RAP1GDS1: variants seen among roughly 807,000 people sequenced by gnomAD.
RAP1GDS1 encodes the protein RAP1, GTP-GDP dissociation stimulator 1.
In RAP1GDS1, 35 loss-of-function variants were observed where a neutral mutation model predicts 71.1. That is an observed-to-expected ratio of 0.49 (90% confidence interval 0.38 to 0.65). RAP1GDS1 has a LOEUF of 0.65. Ranked by LOEUF, RAP1GDS1 falls within the 30% of genes least tolerant of loss-of-function variation. The pLI, the probability that RAP1GDS1 is intolerant of heterozygous loss-of-function variation, is 0.00. For synonymous variants in RAP1GDS1, 229 were observed against 243.1 expected (o/e 0.94, Z 0.54); for missense variants, 663 against 706.1 (o/e 0.94, Z 0.69).
chr4:98,441,794 A>G, intron 14 of RAP1GDS1, 196 bp from the exon 15 acceptor site: 12 of 570,626 alleles, frequency 2.1e-5, no homozygotes, highest in Non-Finnish European at 2.7e-5. Flanking sequence ...ATTTAAAAAA[A>G]AGTAAAGTTT....
At chr4:98,379,761 G>A (rs1005917453) in intron 5 of RAP1GDS1, among the ~76,000 whole-genome samples, 1 of 151,816 alleles carries the variant, frequency 6.6e-6, no homozygotes, top group African/African-American at 2.4e-5. Flanking sequence ...ATATAAATCT[G>A]TGATATTAAG....
intron 4 of RAP1GDS1, among the ~76,000 whole-genome samples, chr4:98,371,258 G>T (rs139798206): frequency 3.3e-5 from 5 of 151,116 alleles, no homozygotes; most frequent in Admixed American, 2.6e-4. Context: ...GATTACAGGC[G>T]TGTACCACCA....
At chr4:98,265,411 G>A (rs1722592415) in intron 1 of RAP1GDS1, among the ~76,000 whole-genome samples, 1 of 152,100 alleles carries the variant, frequency 6.6e-6, no homozygotes, top group Non-Finnish European at 1.5e-5. Context: ...TTGATAACAA[G>A]GACGTTGTCA....
chr4:98,399,975 G>A (rs1457239206), intron 6 of RAP1GDS1, among the ~76,000 whole-genome samples: 3 of 151,926 alleles, frequency 2.0e-5, no homozygotes, highest in Non-Finnish European at 4.4e-5. Context: ...GGTGACATAG[G>A]GAAACCATCT....
At chr4:98,367,368 A>G (rs969126458) in intron 4 of RAP1GDS1, among the ~76,000 whole-genome samples, 27 of 152,234 alleles carry the variant, frequency 1.8e-4, no homozygotes, top group African/African-American at 6.5e-4. Context: ...AGTTTGCTTC[A>G]GGGGTGGGAC....
chr4:98,439,314 T>C (rs1181627450), intron 14 of RAP1GDS1, among the ~76,000 whole-genome samples: 1 of 152,210 alleles, frequency 6.6e-6, no homozygotes, highest in African/African-American at 2.4e-5. Flanking sequence ...TATTCCCCTG[T>C]AGGTAAGGTT....
intron 2 of RAP1GDS1, among the ~76,000 whole-genome samples, chr4:98,300,192 A>G (rs895231841): frequency 6.6e-6 from 1 of 152,176 alleles, no homozygotes; most frequent in African/African-American, 2.4e-5. Flanking sequence ...ACCTTCAGCA[A>G]CCAGCACCCT....
At chr4:98,398,218 C>T (rs980054781) in intron 6 of RAP1GDS1, among the ~76,000 whole-genome samples, 12 of 135,460 alleles carry the variant, frequency 8.9e-5, no homozygotes, top group Admixed American at 6.1e-4. Flanking sequence ...AATAGTTGTA[C>T]GAGTAAAGGA....
intron 4 of RAP1GDS1, among the ~76,000 whole-genome samples, chr4:98,373,642 A>G (rs1003868882): frequency 1.3e-5 from 2 of 152,212 alleles, no homozygotes; most frequent in Non-Finnish European, 2.9e-5. Flanking sequence ...CAAGGGATAC[A>G]TTCTGAGACC....
At position 98,417,450 on chromosome 4, in the gene RAP1GDS1, C is replaced by G. The variant is rs373640377; in HGVS notation, c.991C>G (p.Gln331Glu). The change falls in exon 9 of 15, where the codon CAG (glutamine) becomes GAG (glutamate). Residue 331 changes from glutamine (Q) to glutamate (E), a missense_variant. Gln to Glu is a conservative substitution (Grantham distance 29). Coordinates refer to ENST00000408927, the MANE Select transcript of RAP1GDS1 (RefSeq NM_001100427.2). The part of the protein sequence containing the change: ...VLSWIPSNNH[Q>E]LQLAGALAIA... ...CTCTTGGATCCCATCAAATAACCAC[C>G]AGCTACAGCTTGCTGGAGCATTGGC... The G allele has an allele frequency of 6.2e-7, 1 of 1,613,684 alleles. No individual in the cohort carries two copies.
chr4:98,309,399 G>T (rs1173675470), intron 2 of RAP1GDS1, among the ~76,000 whole-genome samples: 1 of 151,656 alleles, frequency 6.6e-6, no homozygotes, highest in Non-Finnish European at 1.5e-5. Flanking sequence ...TTATAAATCT[G>T]TTATTTCATT....
At chr4:98,262,626 C>A (rs1237843352) in intron 1 of RAP1GDS1, among the ~76,000 whole-genome samples, 1 of 152,192 alleles carries the variant, frequency 6.6e-6, no homozygotes, top group Admixed American at 6.5e-5. Flanking sequence ...ATAATTTCCT[C>A]TTTTTAAAAT....
intron 1 of RAP1GDS1, among the ~76,000 whole-genome samples, chr4:98,280,967 A>G (rs1361925023): frequency 1.3e-5 from 2 of 152,130 alleles, no homozygotes; most frequent in Admixed American, 6.5e-5. Context: ...CCATTGGTCT[A>G]TATCTCTGTT....
chr4:98,387,291 A>G (rs1233000281), intron 5 of RAP1GDS1: 6 of 360,392 alleles, frequency 1.7e-5, no homozygotes, highest in Non-Finnish European at 3.4e-5. Context: ...TCTTCTTAAC[A>G]AACTTATTTT....
chr4:98,376,393 T>C (rs1741190206), intron 4 of RAP1GDS1, among the ~76,000 whole-genome samples: 1 of 152,030 alleles, frequency 6.6e-6, no homozygotes, highest in Non-Finnish European at 1.5e-5. Flanking sequence ...CATGAAGGTA[T>C]AGAGTTAACT....
At chr4:98,274,037 A>G (rs1453300429) in intron 1 of RAP1GDS1, among the ~76,000 whole-genome samples, 1 of 152,180 alleles carries the variant, frequency 6.6e-6, no homozygotes, top group Non-Finnish European at 1.5e-5. Context: ...ATTTGACAAC[A>G]CAGGAAGTAT....
chr4:98,405,630 A>G (rs894469993), intron 7 of RAP1GDS1, among the ~76,000 whole-genome samples: 1 of 152,094 alleles, frequency 6.6e-6, no homozygotes, highest in Non-Finnish European at 1.5e-5. Flanking sequence ...CTTTGAACCC[A>G]AAATATGATA....
At chr4:98,342,605 TG>T (rs1266982993) in intron 2 of RAP1GDS1, among the ~76,000 whole-genome samples, 2 of 152,130 alleles carry the variant, frequency 1.3e-5, no homozygotes, top group African/African-American at 4.8e-5. Context: ...TCTTCATTAA[TG>T]GTGATGTGAA....
intron 1 of RAP1GDS1, among the ~76,000 whole-genome samples, chr4:98,291,438 A>G (rs1726894356): frequency 6.6e-6 from 1 of 152,164 alleles, no homozygotes; most frequent in African/African-American, 2.4e-5. Flanking sequence ...GGAAATGTAA[A>G]ATACAGCTCT....
Sources: gnomAD v4.1 joint callset for allele counts (sites outside exome capture counted in the v4.1 genomes callset) on GRCh38, gnomAD v4.1.1 for gene constraint, MANE v1.5 for transcripts, NCBI Gene and HGNC (gene_info 2026-07-23, HGNC 2026-07-21) for gene names.